The following MICU2 variants were observed in gnomAD, a reference collection of about 807,000 sequenced individuals.
The protein encoded by MICU2 is mitochondrial calcium uptake 2.
Under a neutral mutation model 60.4 loss-of-function variants are expected in MICU2, and 64 were observed. That is an observed-to-expected ratio of 1.06 (90% CI 0.87 to 1.31). The LOEUF (loss-of-function observed/expected upper bound fraction) is 1.31. Among genes scored for constraint, MICU2 ranks in the 50% most tolerant of loss-of-function variants. The pLI, the probability that MICU2 is intolerant of heterozygous loss-of-function variation, is 0.00. For missense variants in MICU2, 569 were observed against 531.0 expected (o/e 1.07, Z -0.70); for synonymous variants, 201 against 175.0 (o/e 1.15, Z -1.17).
intron 7 of MICU2, among the ~76,000 whole-genome samples, chr13:21,513,739 C>CAAAAAAA (rs376128312): frequency 2.0e-4 from 12 of 59,098 alleles, no homozygotes; most frequent in East Asian, 1.4e-3. Flanking sequence ...GACTCTGTCT[C>CAAAAAAA]AAAAAAAAAA....
At chr13:21,558,112 C>G (rs972190859) in intron 2 of MICU2, among the ~76,000 whole-genome samples, 1 of 152,186 alleles carries the variant, frequency 6.6e-6, no homozygotes, top group Non-Finnish European at 1.5e-5. Flanking sequence ...CCTGCTCCCC[C>G]AGGGTTGTTA....
chr13:21,498,822 A>G (rs749190152), intron 9 of MICU2, among the ~76,000 whole-genome samples: 23 of 29,898 alleles, frequency 7.7e-4, no homozygotes, highest in Non-Finnish European at 1.5e-3. Context: ...GGAAAAAAGG[A>G]AAAAAAAAAA....
At chr13:21,587,409 C>T (rs1177443155) in intron 1 of MICU2, among the ~76,000 whole-genome samples, 4 of 152,154 alleles carry the variant, frequency 2.6e-5, no homozygotes, top group African/African-American at 7.2e-5. Flanking sequence ...TAATTATCAG[C>T]AGTAGAAATC....
chr13:21,603,829 C>T, intron 1 of MICU2, 110 bp downstream of exon 1: 3 of 1,243,210 alleles, frequency 2.4e-6, no homozygotes, highest in Non-Finnish European at 2.2e-6. Context: ...GCAGCGGCAC[C>T]TCCACCCACG....
rs751381933 is a variant in MICU2 at position 21,566,880 on chromosome 13, T to C, written c.275A>G (p.Gln92Arg). ...KPSLRKQRFM[Q>R]FSSLEHEGEY... The stretch of plus-strand genomic sequence containing the variant: ...TCCTTCATGTTCGAGTGAAGAAAAC[T>C]GCATGAAGCGCTGCTTACGAAGAGA... The change falls in exon 2 of 12, where the codon CAG (glutamine) becomes CGG (arginine). Residue 92 changes from glutamine (Q) to arginine (R), a missense_variant. Coordinates refer to ENST00000382374, the MANE Select transcript of MICU2 (RefSeq NM_152726.3). The C allele has an allele frequency of 7.4e-6, 12 of 1,613,086 alleles. No individual in the cohort carries two copies. Among genetic ancestry groups the C allele is most frequent in the Non-Finnish European group, 1.0e-5 (12 of 1,179,594 alleles).
chr13:21,507,447 G>A (rs1466612303), intron 8 of MICU2, among the ~76,000 whole-genome samples: 5 of 152,092 alleles, frequency 3.3e-5, no homozygotes, highest in East Asian at 1.9e-4. Flanking sequence ...TTTTTGGAAC[G>A]TTAAAAAACA....
chr13:21,499,297 T>C (rs1014617096), intron 9 of MICU2, among the ~76,000 whole-genome samples: 2 of 152,186 alleles, frequency 1.3e-5, no homozygotes, highest in Admixed American at 6.6e-5. Flanking sequence ...ATTTTTCACA[T>C]GCTTATTAGT....
intron 2 of MICU2, among the ~76,000 whole-genome samples, 153 bp downstream of exon 2, chr13:21,566,644 A>T (rs1426139272): frequency 6.6e-6 from 1 of 152,170 alleles, no homozygotes; most frequent in Non-Finnish European, 1.5e-5. Flanking sequence ...ATATAAAAGT[A>T]TAAGTAGTGT....
chr13:21,502,178 T>A (rs1886190915), intron 9 of MICU2, among the ~76,000 whole-genome samples: 1 of 152,148 alleles, frequency 6.6e-6, no homozygotes, highest in South Asian at 2.1e-4. Context: ...TATTTCTAAT[T>A]GTTATATATT....
chr13:21,517,058 T>C (rs1886587979), intron 6 of MICU2, among the ~76,000 whole-genome samples: 1 of 152,216 alleles, frequency 6.6e-6, no homozygotes, highest in Non-Finnish European at 1.5e-5. Context: ...CTATTTTTTA[T>C]TATTAGCTGA....
intron 3 of MICU2, 53 bp downstream of exon 3, chr13:21,539,604 T>G (rs1887231811): frequency 6.2e-7 from 1 of 1,612,416 alleles, no homozygotes; most frequent in African/African-American, 1.3e-5. Flanking sequence ...GGCCAAAAGT[T>G]CATTTTCTAT....
At chr13:21,603,912 G>T in intron 1 of MICU2, 27 bp downstream of exon 1, 2 of 1,608,648 alleles carry the variant, frequency 1.2e-6, no homozygotes, top group Non-Finnish European at 1.7e-6. Context: ...GCTTGACTGG[G>T]GCTAGCAGAA....
intron 6 of MICU2, among the ~76,000 whole-genome samples, chr13:21,516,168 T>TA (rs1433571059): frequency 1.3e-5 from 2 of 152,050 alleles, no homozygotes; most frequent in African/African-American, 4.8e-5. Flanking sequence ...AATGTACAAA[T>TA]ATCAGCCAAT....
At position 21,510,071 on chromosome 13, in the gene MICU2, T is replaced by C. The variant is rs1238801364; in HGVS notation, c.694A>G (p.Thr232Ala). The C allele has an allele frequency of 6.6e-7, 1 of 1,518,458 alleles. No individual in the cohort carries two copies. 94.1% of individuals were successfully genotyped at this position (1,518,458 alleles called of 1,614,324 possible). The change falls in exon 8 of 12, where the codon ACA becomes GCA. Residue 232 changes from threonine to alanine, a missense_variant. Physicochemically the swap from Thr to Ala is moderately conservative, Grantham distance 58. Transcript: ENST00000382374. ...CCAAAGAAACGCATCTGAAGAGTTG[T>C]GTTAATTTCAGGTTCTTTCACTATT... ...EAIVKEPEIN[T>A]TLQMRFFGKR...
intron 9 of MICU2, among the ~76,000 whole-genome samples, chr13:21,498,369 CTTTTTTTTTTTT>C (rs34890922): frequency 1.2e-3 from 96 of 78,554 alleles, no homozygotes; most frequent in Admixed American, 1.8e-3. Flanking sequence ...ATATCCTATT[CTTTTTTTTTTTT>C]TTTTTTTTTT....
At chr13:21,556,665 T>C (rs571592788) in intron 2 of MICU2, among the ~76,000 whole-genome samples, 1 of 151,992 alleles carries the variant, frequency 6.6e-6, no homozygotes, top group South Asian at 2.1e-4. Flanking sequence ...CTACTTCCAG[T>C]TTAAAAGGCC....
At chr13:21,523,375 T>C (rs536933100) in intron 4 of MICU2, among the ~76,000 whole-genome samples, 45 of 152,360 alleles carry the variant, frequency 3.0e-4, no homozygotes, top group African/African-American at 1.0e-3. Flanking sequence ...TTTATTTACA[T>C]GGCACTTTAG....
intron 4 of MICU2, among the ~76,000 whole-genome samples, chr13:21,536,180 G>C (rs2137994665): frequency 6.6e-6 from 1 of 152,156 alleles, no homozygotes; most frequent in African/African-American, 2.4e-5. Flanking sequence ...AGAATATAAT[G>C]AAAGTCCACT....
At chr13:21,518,558 C>T (rs917951969) in intron 6 of MICU2, among the ~76,000 whole-genome samples, 1 of 152,100 alleles carries the variant, frequency 6.6e-6, no homozygotes, top group African/African-American at 2.4e-5. Context: ...TGGCTGTGTA[C>T]CTTGTAACTC....
Sources: gnomAD v4.1 joint callset for allele counts (sites outside exome capture counted in the v4.1 genomes callset) on GRCh38, gnomAD v4.1.1 for gene constraint, MANE v1.5 for transcripts, NCBI Gene and HGNC (gene_info 2026-07-23, HGNC 2026-07-21) for gene names.